The following AKAP9 variants were observed in gnomAD, a reference collection of about 807,000 sequenced individuals.
AKAP9 encodes the protein A-kinase anchor protein 9.
Under a neutral mutation model 488.5 loss-of-function variants are expected in AKAP9, and 311 were observed. That is an observed-to-expected ratio of 0.64 (90% confidence interval 0.58 to 0.70). The LOEUF is 0.70. AKAP9 is among the 30% of genes least tolerant of loss of function. The pLI is 0.00. For missense variants in AKAP9, 4,215 were observed against 4,374.5 expected (o/e 0.96, Z 1.03); for synonymous variants, 1,462 against 1,483.5 (o/e 0.99, Z 0.33).
intron 26 of AKAP9, 31 bp from the exon 27 acceptor site, chr7:92,069,999 T>C: frequency 6.2e-7 from 1 of 1,600,280 alleles, no homozygotes; most frequent in Non-Finnish European, 8.5e-7. Flanking sequence ...AAATTTTTTT[T>C]AAATTAAATT....
intron 23 of AKAP9, among the ~76,000 whole-genome samples, 162 bp downstream of exon 23, chr7:92,061,584 C>CTATATATATATATATATATATA (rs71528033): frequency 8.5e-4 from 87 of 102,430 alleles, no homozygotes; most frequent in African/African-American, 1.2e-3. Flanking sequence ...ATTTTTAAAA[C>CTATATATATATATATATATATA]TATATATATA....
At chr7:91,964,173 A>G (rs972590695) in intron 1 of AKAP9, among the ~76,000 whole-genome samples, 1 of 152,200 alleles carries the variant, frequency 6.6e-6, no homozygotes, top group African/African-American at 2.4e-5. Flanking sequence ...ATTCTTCCAG[A>G]GTTTCTCTAT....
chr7:92,051,755 A>G (rs1219448612), intron 21 of AKAP9, among the ~76,000 whole-genome samples: 1 of 152,188 alleles, frequency 6.6e-6, no homozygotes, highest in East Asian at 1.9e-4. Flanking sequence ...CACTTGGTAC[A>G]TGAAGATTTC....
chr7:92,086,384 C>G lies in AKAP9; in HGVS notation c.9181C>G (p.Leu3061Val). The change falls in exon 37 of 50, where the codon CTA becomes GTA. Residue 3061 changes from leucine to valine, a missense_variant. Physicochemically the swap from Leu to Val is conservative, Grantham distance 32. Transcript: ENST00000356239. ...AGGTACTACAGATGCAGTTGGTTTA[C>G]TAAACTGTTTGGAACAGAGAATACA... ...ALGTTDAVGLLNCLEQRIQEQ... is the reference protein window; with the variant it reads ...ALGTTDAVGLVNCLEQRIQEQ... 6.2e-7 allele frequency: 1 copy of G among 1,613,970 alleles called. No individual in the cohort carries two copies. The highest frequency in any genetic ancestry group is 8.5e-7 in the Non-Finnish European group (1 of 1,179,932).
chr7:92,026,676 T>C lies in AKAP9; in HGVS notation c.4149-3219T>C, dbSNP rs536054947. Among the ~76,000 whole-genome samples, 6 of 152,330 alleles carry C rather than the reference T, an allele frequency of 3.9e-5. No homozygotes were observed. The East Asian group carries it at 1.2e-3, about 29-fold the overall frequency. Reference sequence around the variant, plus strand: ...CTGGAGTGCGTGGCGTGATCTCAGCTCGCTACAACCTCCACCTCCCAGCCG... The same window carrying C: ...CTGGAGTGCGTGGCGTGATCTCAGCCCGCTACAACCTCCACCTCCCAGCCG... On this transcript the variant is annotated intron_variant, in intron 14 of 49. Coordinates refer to ENST00000356239, the MANE Select transcript of AKAP9 (RefSeq NM_005751.5).
In AKAP9 at chr7:92,094,936, A is replaced by T. The variant is rs376733927; in HGVS notation, c.9579-87A>T. On this transcript the variant is annotated intron_variant, in intron 39 of 49. Transcript: ENST00000356239. The stretch of plus-strand genomic sequence containing the variant: ...CTTAGCTAGTTTATTATATGCCTCA[A>T]CTTATCAGTAGAAGCTGTTTTTCTC... 3.3e-6 allele frequency: 4 copies of T among 1,220,686 alleles called. No homozygotes were observed. In the South Asian group the frequency reaches 3.8e-5, roughly 11 times the overall value. The allele number at this position is 1,220,686 out of a possible 1,614,324, so 75.6% of individuals were successfully genotyped here. A position where few individuals can be genotyped will look rare whatever the true frequency, so the allele number is the denominator to read the frequency against.
chr7:91,980,495 CTTTTT>C (rs60385804), intron 3 of AKAP9, among the ~76,000 whole-genome samples, 162 bp downstream of exon 3: 8 of 48,756 alleles, frequency 1.6e-4, no homozygotes, highest in Admixed American at 8.0e-4. Context: ...GTATTACTGA[CTTTTT>C]TTTTTTTTTT....
At position 92,066,564 on chromosome 7, in the gene AKAP9, A is replaced by G. The variant is rs759862787; in HGVS notation, c.6330+18A>G. The stretch of plus-strand genomic sequence containing the variant: ...CTAGAGAGGTAAGAACTTCACTGAT[A>G]TTGCCCAACTTACAGTAATTTGTAT... On this transcript the variant is annotated intron_variant, in intron 26 of 49. Transcript: ENST00000356239. The G allele has an allele frequency of 1.2e-6, 2 of 1,613,068 alleles. No individual in the cohort carries two copies. The highest frequency in any genetic ancestry group is 2.2e-5 in the South Asian group (2 of 91,066).
chr7:92,085,875 G>T (rs1271635046), intron 36 of AKAP9, among the ~76,000 whole-genome samples, 189 bp downstream of exon 36: 2 of 152,048 alleles, frequency 1.3e-5, no homozygotes, highest in Non-Finnish European at 2.9e-5. Context: ...AGGCCGAGGT[G>T]GGTGGATCAC....
intron 41 of AKAP9, 112 bp from the exon 42 acceptor site, chr7:92,097,474 G>A: frequency 1.3e-6 from 2 of 1,501,958 alleles, no homozygotes; most frequent in Non-Finnish European, 1.8e-6. Flanking sequence ...ACTTAAAAAT[G>A]AAATCTATAG....
intron 32 of AKAP9, 120 bp downstream of exon 32, chr7:92,082,782 T>G (rs563765378): frequency 8.4e-7 from 1 of 1,193,952 alleles, no homozygotes; most frequent in African/African-American, 1.5e-5. Context: ...AAAAAGTATT[T>G]TGTGGATTTG....
chr7:92,053,887 A>G (rs1808370605), intron 22 of AKAP9, among the ~76,000 whole-genome samples: 1 of 152,118 alleles, frequency 6.6e-6, no homozygotes. Context: ...TAAGTCCTTT[A>G]TATGATTCTG....
intron 3 of AKAP9, among the ~76,000 whole-genome samples, chr7:91,982,694 T>C (rs1796585929): frequency 1.3e-5 from 2 of 152,246 alleles, no homozygotes; most frequent in South Asian, 4.1e-4. Context: ...TATAATACTT[T>C]GGGTATATAC....
Position 91,993,176 on chromosome 7 carries a change from TTTC to T in AKAP9, c.576+139_576+141del, listed in dbSNP as rs200558972. ...TTTTTTTTTAACTTTTTTCTTTTCT[TTTC>T]TTCTTCTTCTTCTTCTTTTTTTTTT... is the stretch of plus-strand genomic sequence containing the variant. On this transcript the variant is annotated intron_variant, in intron 5 of 49. Coordinates refer to ENST00000356239, the MANE Select transcript of AKAP9 (RefSeq NM_005751.5). 2,619 of 1,032,612 alleles carry T rather than the reference TTTC, an allele frequency of 2.5e-3. 13 individuals are homozygous for T. The highest frequency in any genetic ancestry group is 0.022 in the South Asian group (1,385 of 63,714). The allele number at this position is 1,032,612 out of a possible 1,614,324, so 64.0% of individuals were successfully genotyped here.
intron 18 of AKAP9, 95 bp downstream of exon 18, chr7:92,040,993 A>T (rs574035644): frequency 1.1e-5 from 12 of 1,051,766 alleles, no homozygotes; most frequent in Non-Finnish European, 1.4e-5. Flanking sequence ...AGTATTTTTT[A>T]TGTAGCCATA....
intron 22 of AKAP9, among the ~76,000 whole-genome samples, chr7:92,055,460 G>T (rs1263239931): frequency 6.6e-6 from 1 of 151,986 alleles, no homozygotes; most frequent in Non-Finnish European, 1.5e-5. Context: ...CCAAAAGAGA[G>T]CAACAAAAGT....
At position 92,029,885 on chromosome 7, in the gene AKAP9, T is replaced by C; in HGVS notation, c.4149-10T>C. The C allele has an allele frequency of 6.3e-7, 1 of 1,599,254 alleles. No homozygotes were observed. Among genetic ancestry groups the C allele is most frequent in the Non-Finnish European group, 8.6e-7 (1 of 1,166,686 alleles). On this transcript the variant is annotated splice_polypyrimidine_tract_variant and intron_variant, in intron 14 of 49. Coordinates refer to ENST00000356239, the MANE Select transcript of AKAP9 (RefSeq NM_005751.5). ...ACTCTAATTCTTTAACCTTTTTTAT[T>C]TATATTCAGCTTACCTGTTGATTCG...
At chr7:92,046,713 T>A (rs1807068381) in intron 21 of AKAP9, among the ~76,000 whole-genome samples, 2 of 152,228 alleles carry the variant, frequency 1.3e-5, no homozygotes, top group South Asian at 4.1e-4. Flanking sequence ...TATGGATCTT[T>A]ATAGAGAAGA....
chr7:92,093,085 T>A lies in AKAP9; in HGVS notation c.9359-12T>A, dbSNP rs1440698967. 6.2e-7 allele frequency: 1 copy of A among 1,601,748 alleles called. No homozygotes were observed. Among genetic ancestry groups the A allele is most frequent in the Non-Finnish European group, 8.6e-7 (1 of 1,169,202 alleles). ...TTGATTATGTTTCAAATATTAATCA[T>A]GTTCTGTGTAGAACTCTTGGAATAT... On this transcript the variant is annotated splice_polypyrimidine_tract_variant and intron_variant, in intron 38 of 49. Transcript: ENST00000356239.
Sources: allele counts gnomAD v4.1 joint callset (sites outside exome capture counted in the v4.1 genomes callset), GRCh38; gene constraint gnomAD v4.1.1; transcripts MANE v1.5; gene names NCBI Gene and HGNC (gene_info 2026-07-23, HGNC 2026-07-21).